Variants in ELFN2 observed in about 807,000 individuals in gnomAD.
ELFN2 encodes the protein protein phosphatase 1 regulatory subunit 29.
Under a neutral mutation model 45.5 loss-of-function variants are expected in ELFN2, and 17 were observed. The ratio of observed to expected loss-of-function variants is 0.37; its 90% CI spans 0.26 to 0.56. The LOEUF is 0.56. ELFN2 is among the 20% of genes least tolerant of loss of function. The pLI is 0.77. For missense variants in ELFN2, 922 were observed against 1,183.2 expected (o/e 0.78, Z 3.24); for synonymous variants, 550 against 551.5 (o/e 1.00, Z 0.04).
intron 2 of ELFN2, among the ~76,000 whole-genome samples, chr22:37,411,940 T>A (rs986350830): frequency 2.7e-4 from 41 of 151,630 alleles, no homozygotes; most frequent in African/African-American, 9.4e-4. Flanking sequence ...CCTGCCCCAA[T>A]CCAACCACTC....
chr22:37,361,874 C>T (rs918335961), intron 1 of ELFN2, among the ~76,000 whole-genome samples: 7 of 152,200 alleles, frequency 4.6e-5, no homozygotes, highest in African/African-American at 1.7e-4. Context: ...CATTCTCCGG[C>T]CCATAGGACA....
intron 1 of ELFN2, among the ~76,000 whole-genome samples, chr22:37,358,630 G>T (rs1931007181): frequency 6.6e-6 from 1 of 152,210 alleles, no homozygotes; most frequent in African/African-American, 2.4e-5. Flanking sequence ...CCAATCACTG[G>T]CAGGGGGAGT....
rs1019241502 is a variant in ELFN2, at chr22:37,351,155, C to T, written n.149-8452G>A. 8.0e-5 allele frequency among the ~76,000 whole-genome samples: 12 copies of T among 149,756 alleles called. 3 individuals carry two copies. The highest frequency in any genetic ancestry group is 1.5e-4 in the Non-Finnish European group (10 of 66,604). ...TGCCTCCTCTCCTCCCTCCTCCCTC[C>T]TCTCCTCCTTCTCCCCTCTCTCCTC... On this transcript the variant is annotated intron_variant and non_coding_transcript_variant, in intron 1 of 2. Coordinates refer to ENST00000452946, the Ensembl canonical transcript of ELFN2.
chr22:37,402,330 C>G (rs9306317), intron 2 of ELFN2, among the ~76,000 whole-genome samples: 76,473 of 152,064 alleles, frequency 0.5, 20,028 homozygotes, highest in African/African-American at 0.65. Flanking sequence ...TGGCAGACTC[C>G]GTGTTGACAC....
intron 1 of ELFN2, among the ~76,000 whole-genome samples, chr22:37,362,352 A>G (rs1222245379): frequency 6.6e-6 from 1 of 152,172 alleles, no homozygotes; most frequent in African/African-American, 2.4e-5. Context: ...CATGCTTCCT[A>G]TGACCACAGG....
At position 37,403,096 on chromosome 22, in the gene ELFN2, CCAA is replaced by C. The variant is rs372794149; in HGVS notation, c.-463+14670_-463+14672del. Among the ~76,000 whole-genome samples the C allele has an allele frequency of 5.9e-3, 900 of 152,240 alleles. 6 individuals are homozygous for C. Among genetic ancestry groups the C allele is most frequent in the African/African-American group, 0.019 (778 of 41,522 alleles). On this transcript the variant is annotated intron_variant, in intron 2 of 2. Coordinates refer to ENST00000402918, the MANE Select transcript of ELFN2 (RefSeq NM_052906.5). Reference sequence around the variant, plus strand: ...CCAGTTACTACCAGCTACATCTTCCCCAACAACATCCCAAGCTGAGGCCACTTT... The same window carrying C: ...CCAGTTACTACCAGCTACATCTTCCCCAACATCCCAAGCTGAGGCCACTTT...
Position 37,344,814 on chromosome 22 carries a change from T to C in ELFN2, n.149-2111A>G, listed in dbSNP as rs114807085. On this transcript the variant is annotated intron_variant and non_coding_transcript_variant, in intron 1 of 2. Transcript: ENST00000452946. ...CTCTGCCACAGGCACCCCATCCCCG[T>C]CCACGCCTGCTCTCACCCTGCTCCT... is the stretch of plus-strand genomic sequence containing the variant. 3.9e-3 allele frequency among the ~76,000 whole-genome samples: 600 copies of C among 152,250 alleles called. 2 individuals carry two copies. The highest frequency in any genetic ancestry group is 0.014 in the African/African-American group (578 of 41,568).
In ELFN2 at chr22:37,374,717, G is replaced by A; in HGVS notation, c.818C>T (p.Ser273Leu). The change falls in exon 3 of 3, where the codon TCG becomes TTG. Residue 273 changes from serine (S) to leucine (L), a missense_variant. Coordinates refer to ENST00000402918, the MANE Select transcript of ELFN2 (RefSeq NM_052906.5). ...AAGGATCTCGTCGGGGTTGAAGCCCGAGTTCTCGTCTGGCTCCCTCTGGGC... is the reference window on the plus strand; with the variant it reads ...AAGGATCTCGTCGGGGTTGAAGCCCAAGTTCTCGTCTGGCTCCCTCTGGGC... The part of the protein sequence containing the change: ...TDAQREPDEN[S>L]GFNPDEILSV... The A allele has an allele frequency of 5.6e-6, 9 of 1,611,760 alleles. No homozygotes were observed. Among genetic ancestry groups the A allele is most frequent in the Non-Finnish European group, 5.9e-6 (7 of 1,178,480 alleles).
At chr22:37,355,434 G>A (rs891099717) in intron 1 of ELFN2, among the ~76,000 whole-genome samples, 1 of 152,232 alleles carries the variant, frequency 6.6e-6, no homozygotes, top group African/African-American at 2.4e-5. Context: ...ACTGGCAGAG[G>A]GTGCGCTCGC....
At chr22:37,362,741 C>T (rs1931119955) in intron 1 of ELFN2, among the ~76,000 whole-genome samples, 1 of 152,190 alleles carries the variant, frequency 6.6e-6, no homozygotes, top group South Asian at 2.1e-4. Flanking sequence ...GGGGTAAAGC[C>T]CCTACTTCAT....
At chr22:37,391,014 A>G (rs1207646447) in intron 2 of ELFN2, among the ~76,000 whole-genome samples, 1 of 152,242 alleles carries the variant, frequency 6.6e-6, no homozygotes, top group Non-Finnish European at 1.5e-5. Context: ...AGGCAGAGAA[A>G]GGAGCCTAGA....
intron 2 of ELFN2, among the ~76,000 whole-genome samples, chr22:37,393,005 T>C (rs971101103): frequency 6.6e-6 from 1 of 152,210 alleles, no homozygotes; most frequent in African/African-American, 2.4e-5. Context: ...CACTTCAACT[T>C]CGTTCATTAT....
At chr22:37,347,884 T>C (rs902318442) in intron 1 of ELFN2, among the ~76,000 whole-genome samples, 8 of 152,200 alleles carry the variant, frequency 5.3e-5, no homozygotes, top group African/African-American at 1.7e-4. Flanking sequence ...TTGAACCCCT[T>C]TACAGTATCC....
At position 37,410,307 on chromosome 22, in the gene ELFN2, C is replaced by T. The variant is rs538697506; in HGVS notation, c.-463+7462G>A. 5.3e-5 allele frequency among the ~76,000 whole-genome samples: 8 copies of T among 152,266 alleles called. No individual in the cohort carries two copies. In the East Asian group the frequency reaches 1.4e-3, roughly 26 times the overall value. ...CCACTTTAGGCTGGTCCAGGGGCTG[C>T]GGGAAGTGAAAGTGCCCAAGAGGAA... On this transcript the variant is annotated intron_variant, in intron 2 of 2. Coordinates refer to ENST00000402918, the MANE Select transcript of ELFN2 (RefSeq NM_052906.5).
rs185623332 is a variant in ELFN2 at position 37,423,604 on chromosome 22, C to T, written c.-614+3694G>A. ...TGCAGCTGGCTTTTGTGGGACTAAA[C>T]GAATGCCGCCCATAAAGAGCTTCGA... On this transcript the variant is annotated intron_variant, in intron 1 of 2. Transcript: ENST00000402918. 1.7e-3 allele frequency among the ~76,000 whole-genome samples: 256 copies of T among 152,278 alleles called. 1 individual carries two copies. The highest frequency in any genetic ancestry group is 3.5e-3 in the Admixed American group (53 of 15,304).
chr22:37,398,028 C>G (rs55885215), intron 2 of ELFN2, among the ~76,000 whole-genome samples: 13,752 of 152,124 alleles, frequency 0.09, 846 homozygotes, highest in Non-Finnish European at 0.14. Context: ...AGGACACAGC[C>G]AATAACAGCC....
intron 2 of ELFN2, among the ~76,000 whole-genome samples, chr22:37,376,481 G>A (rs991835708): frequency 1.3e-5 from 2 of 152,132 alleles, no homozygotes; most frequent in South Asian, 2.1e-4. Flanking sequence ...GTACCCAAGC[G>A]GGCACCCCTG....
intron 2 of ELFN2, among the ~76,000 whole-genome samples, chr22:37,412,478 C>T (rs1263290086): frequency 1.3e-5 from 2 of 152,044 alleles, no homozygotes; most frequent in Non-Finnish European, 2.9e-5. Flanking sequence ...ATCCACACAG[C>T]CCCCTACCTG....
chr22:37,365,827 C>T (rs1254936757), downstream of ELFN2, among the ~76,000 whole-genome samples: 1 of 152,190 alleles, frequency 6.6e-6, no homozygotes, highest in East Asian at 1.9e-4. Context: ...GAGGAACACC[C>T]CTTCACCCCA....
Sources: gnomAD v4.1 joint callset for allele counts (sites outside exome capture counted in the v4.1 genomes callset) on GRCh38, gnomAD v4.1.1 for gene constraint, MANE v1.5 for transcripts, NCBI Gene and HGNC (gene_info 2026-07-23, HGNC 2026-07-21) for gene names.